PRKN: variants seen among roughly 807,000 people sequenced by gnomAD.
PRKN encodes the protein parkin RBR E3 ubiquitin protein ligase, also known as E3 ubiquitin-protein ligase parkin.
A neutral mutation model predicts 59.5 loss-of-function variants in PRKN; 56 were observed. The observed-to-expected ratio is 0.94, with a 90% CI of 0.76 to 1.18. The LOEUF is 1.18. PRKN is among the 50% of genes most tolerant of loss of function. The pLI is 0.00. For synonymous variants in PRKN, 250 were observed against 222.1 expected (o/e 1.13, Z -1.12); for missense variants, 657 against 596.4 (o/e 1.10, Z -1.06).
intron 2 of PRKN, among the ~76,000 whole-genome samples, chr6:162,274,466 G>A (rs1780527790): frequency 6.6e-6 from 1 of 152,098 alleles, no homozygotes; most frequent in African/African-American, 2.4e-5. Flanking sequence ...GGGATTACAG[G>A]CCTGAGCTAC....
At chr6:162,504,631 TAGG>T (rs1271298002) in intron 1 of PRKN, among the ~76,000 whole-genome samples, 1 of 152,076 alleles carries the variant, frequency 6.6e-6, no homozygotes, top group Non-Finnish European at 1.5e-5. Context: ...GAGAGAAATA[TAGG>T]AGAATGCTTT....
Position 161,562,580 on chromosome 6 carries a change from C to T in PRKN, c.933+6775G>A, listed in dbSNP as rs1329034906. Reference sequence around the variant, plus strand: ...TCTCACTGTCCTCCAAGCTCTCACTCACACATCCAAGTCCCGACTTATCTC... The same window carrying T: ...TCTCACTGTCCTCCAAGCTCTCACTTACACATCCAAGTCCCGACTTATCTC... On this transcript the variant is annotated intron_variant, in intron 8 of 11. Coordinates refer to ENST00000366898, the MANE Select transcript of PRKN (RefSeq NM_004562.3). This position sits in a 1 kb window ranked among gnomAD's most constrained non-coding sequence, Gnocchi z 4.3. Among the ~76,000 whole-genome samples, 1 of 152,200 alleles carries T rather than the reference C, an allele frequency of 6.6e-6. No individual in the cohort carries two copies. Among genetic ancestry groups the T allele is most frequent in the Non-Finnish European group, 1.5e-5 (1 of 68,032 alleles).
intron 6 of PRKN, among the ~76,000 whole-genome samples, chr6:161,901,373 G>A (rs931504669): frequency 6.6e-6 from 1 of 152,136 alleles, no homozygotes; most frequent in African/African-American, 2.4e-5. Context: ...AGTCCTGCCT[G>A]GGGGAGAGAA....
At chr6:161,406,642 G>A (rs1353346674) in intron 9 of PRKN, among the ~76,000 whole-genome samples, 1 of 152,134 alleles carries the variant, frequency 6.6e-6, no homozygotes, top group Non-Finnish European at 1.5e-5. Flanking sequence ...TGGCAATACA[G>A]TGACTTTCAA....
chr6:161,582,449 CAG>C lies in PRKN; in HGVS notation c.872-13035_872-13034del, dbSNP rs1781373971. On this transcript the variant is annotated intron_variant, in intron 7 of 11. Transcript: ENST00000366898. This position sits in a 1 kb window ranked among gnomAD's most constrained non-coding sequence, Gnocchi z 4.4. ...ATTATTATTATTATTATTTTTGAGA[CAG>C]AGTCTCGCTCTGTCGCCTAGGCTGG... Among the ~76,000 whole-genome samples the C allele has an allele frequency of 1.4e-5, 2 of 145,178 alleles. No homozygotes were observed. The highest frequency in any genetic ancestry group is 2.2e-4 in the South Asian group (1 of 4,478).
intron 4 of PRKN, among the ~76,000 whole-genome samples, chr6:162,067,241 A>G (rs569690759): frequency 1.3e-5 from 2 of 152,194 alleles, no homozygotes; most frequent in Non-Finnish European, 2.9e-5. Flanking sequence ...CTCTCACATT[A>G]CATAAGTCAC....
rs1162413172 is a variant in PRKN, at chr6:161,488,730, C to T, written c.1083+60124G>A. ...TTGAACTCGGCCTCAAGTGATCCTC[C>T]CACCTTGGCCTCCTGAAGTGTTGGG... On this transcript the variant is annotated intron_variant, in intron 9 of 11. Transcript: ENST00000366898. This position sits in a 1 kb window ranked among gnomAD's most constrained non-coding sequence, Gnocchi z 4.5. Among the ~76,000 whole-genome samples the T allele has an allele frequency of 6.6e-6, 1 of 152,130 alleles. No homozygotes were observed. Among genetic ancestry groups the T allele is most frequent in the African/African-American group, 2.4e-5 (1 of 41,422 alleles).
At chr6:161,505,374 T>TAC (rs1778124197) in intron 9 of PRKN, among the ~76,000 whole-genome samples, 1 of 21,576 alleles carries the variant, frequency 4.6e-5, no homozygotes, top group Non-Finnish European at 8.3e-5. Flanking sequence ...ATGGGGTTGT[T>TAC]TGTTTTTTTC....
intron 4 of PRKN, among the ~76,000 whole-genome samples, chr6:162,128,538 C>T (rs1268352091): frequency 6.6e-6 from 1 of 152,134 alleles, no homozygotes; most frequent in African/African-American, 2.4e-5. Flanking sequence ...AATCTCACAC[C>T]TTACTATAGG....
intron 2 of PRKN, among the ~76,000 whole-genome samples, chr6:162,286,576 C>A (rs1402868805): frequency 6.6e-6 from 1 of 152,176 alleles, no homozygotes; most frequent in Non-Finnish European, 1.5e-5. Flanking sequence ...CTCCCAAAAA[C>A]AAAATGCTAG....
chr6:162,106,538 G>C (rs933398550), intron 4 of PRKN, among the ~76,000 whole-genome samples: 8 of 151,786 alleles, frequency 5.3e-5, no homozygotes, highest in Non-Finnish European at 2.9e-5. Flanking sequence ...ATTTTTAAAA[G>C]CATTTTGAAT....
chr6:161,884,247 T>C (rs1422830581), intron 6 of PRKN, among the ~76,000 whole-genome samples: 2 of 152,196 alleles, frequency 1.3e-5, no homozygotes, highest in African/African-American at 2.4e-5. Flanking sequence ...TTAGCATGTT[T>C]CTAATGCAGT....
At position 161,702,507 on chromosome 6, in the gene PRKN, A is replaced by G. The variant is rs146987045; in HGVS notation, c.871+83265T>C. The stretch of plus-strand genomic sequence containing the variant: ...TTGGAGTAGTCAAATGCATAGAGGA[A>G]GAAAGTAGGATGGTGACCATGAGAG... On this transcript the variant is annotated intron_variant, in intron 7 of 11. Transcript: ENST00000366898. Among the ~76,000 whole-genome samples, 51 of 152,130 alleles carry G rather than the reference A, an allele frequency of 3.4e-4. 1 individual carries two copies. Among genetic ancestry groups the G allele is most frequent in the Admixed American group, 3.3e-3 (51 of 15,274 alleles).
chr6:161,760,108 A>G (rs1055105272), intron 7 of PRKN, among the ~76,000 whole-genome samples: 1 of 150,566 alleles, frequency 6.6e-6, no homozygotes, highest in African/African-American at 2.4e-5. Context: ...CACAATGTCA[A>G]TTGCTAACTT....
intron 6 of PRKN, among the ~76,000 whole-genome samples, chr6:161,970,419 A>ATG (rs1405878113): frequency 1.3e-5 from 2 of 151,208 alleles, no homozygotes; most frequent in African/African-American, 2.4e-5. Flanking sequence ...ATATATATAT[A>ATG]TACATACACA....
intron 2 of PRKN, among the ~76,000 whole-genome samples, chr6:162,399,879 G>C (rs1787673281): frequency 6.6e-6 from 1 of 152,122 alleles, no homozygotes; most frequent in Admixed American, 6.5e-5. Context: ...AGAACAATGA[G>C]CTAAACGGCC....
chr6:161,963,899 T>C (rs1303814652), intron 6 of PRKN, among the ~76,000 whole-genome samples: 1 of 152,144 alleles, frequency 6.6e-6, no homozygotes, highest in Non-Finnish European at 1.5e-5. Flanking sequence ...GCCTGCAATT[T>C]TGCAGAGCAG....
rs900348281 is a variant in PRKN at position 162,714,678 on chromosome 6, C to G, written c.7+12984G>C. Among the ~76,000 whole-genome samples, 18 of 152,242 alleles carry G rather than the reference C, an allele frequency of 1.2e-4. No homozygotes were observed. In the East Asian group the frequency reaches 3.3e-3, roughly 28 times the overall value. On this transcript the variant is annotated intron_variant, in intron 1 of 11. Coordinates refer to ENST00000366898, the MANE Select transcript of PRKN (RefSeq NM_004562.3). ...TAGTGATATTGTAATTACTCTGAAG[C>G]TTTGAGCATATGTTTCTACTGAGAG...
In PRKN at chr6:161,785,696, A is replaced by C. The variant is rs888161676; in HGVS notation, c.871+76T>G. The C allele has an allele frequency of 1.3e-5, 18 of 1,416,350 alleles. 1 individual carries two copies. In the Admixed American group the frequency reaches 1.8e-4, roughly 14 times the overall value. 87.7% of individuals were successfully genotyped at this position (1,416,350 alleles called of 1,614,324 possible). A position where few individuals can be genotyped will look rare whatever the true frequency, so the allele number is the denominator to read the frequency against. On this transcript the variant is annotated intron_variant, in intron 7 of 11. Coordinates refer to ENST00000366898, the MANE Select transcript of PRKN (RefSeq NM_004562.3). Reference sequence around the variant, plus strand: ...TTCTGCTAGGGTTTACGTATATCTAAGCCAGTTTTACATCAATAATTGTTC... The same window carrying C: ...TTCTGCTAGGGTTTACGTATATCTACGCCAGTTTTACATCAATAATTGTTC...
Sources: allele counts gnomAD v4.1 joint callset (sites outside exome capture counted in the v4.1 genomes callset), GRCh38; gene constraint gnomAD v4.1.1; non-coding constraint Gnocchi (gnomAD v3.1); transcripts MANE v1.5; gene names NCBI Gene and HGNC (gene_info 2026-07-23, HGNC 2026-07-21).